ABCA7: variants seen among roughly 807,000 people sequenced by gnomAD.
The protein encoded by ABCA7 is phospholipid-transporting ATPase ABCA7.
In ABCA7, 261 loss-of-function variants were observed where a neutral mutation model predicts 227.6. That is an observed-to-expected ratio of 1.15 (90% confidence interval 1.04 to 1.27). The LOEUF (loss-of-function observed/expected upper bound fraction) is 1.27, where lower values mean the gene tolerates loss of function less well. Ranked by LOEUF, ABCA7 falls within the 50% of genes most tolerant of loss-of-function variation. ABCA7 has a pLI of 0.00. For synonymous variants in ABCA7, 1,488 were observed against 1,279.7 expected (o/e 1.16, Z -3.47); for missense variants, 3,331 against 2,924.5 (o/e 1.14, Z -3.21).
intron 30 of ABCA7, 47 bp from the exon 31 acceptor site, chr19:1,055,848 CATCTCTCTCTCT>C: frequency 1.3e-6 from 2 of 1,488,192 alleles, no homozygotes; most frequent in Non-Finnish European, 1.8e-6. Context: ...CCCCTCTCAC[CATCTCTCTCTCT>C]GTCCCACATC....
In ABCA7 at chr19:1,052,000, T is replaced by C. The variant is rs1476436453; in HGVS notation, c.3021T>C (p.Arg1007=). 6.2e-7 allele frequency: 1 copy of C among 1,612,118 alleles called. No individual in the cohort carries two copies. Among genetic ancestry groups the C allele is most frequent in the Non-Finnish European group, 8.5e-7 (1 of 1,179,904 alleles). ...HLDEAELLGD[R]VAVVAGGRLC... ...ATGAGGCAGAGCTGCTGGGAGACCG[T>C]GTGGCCGTGGTGGCAGGTGGCCGCT... is the stretch of plus-strand genomic sequence containing the variant. Residue 1007 remains arginine (R), a synonymous_variant, in exon 22 of 47, where the codon CGT becomes CGC. Transcript: ENST00000263094.
chr19:1,057,520 C>G, intron 35 of ABCA7, 91 bp downstream of exon 35: 1 of 1,274,164 alleles, frequency 7.8e-7, no homozygotes, highest in Admixed American at 1.7e-5. Flanking sequence ...GCAGTGACTC[C>G]CAAGGAGAGG....
chr19:1,065,527 CT>C lies in ABCA7; in HGVS notation c.*103del. 1 of 1,374,754 alleles carries C rather than the reference CT, an allele frequency of 7.3e-7. No homozygotes were observed. 85.2% of individuals were successfully genotyped at this position (1,374,754 alleles called of 1,614,324 possible). ...TCAGGCTGGCAGAGGGGCTGGTGCC[CT>C]GGAGAAAATAAAGAGAAGGCTGGAG... On this transcript the variant is annotated 3_prime_UTR_variant, in exon 47 of 47. Transcript: ENST00000263094.
intron 21 of ABCA7, 112 bp from the exon 22 acceptor site, chr19:1,051,830 G>A (rs1235591353): frequency 7.1e-6 from 10 of 1,418,330 alleles, no homozygotes; most frequent in Admixed American, 1.9e-5. Flanking sequence ...ATGAGGTTTT[G>A]AGGGATGAAT....
chr19:1,048,777 C>A, intron 16 of ABCA7, 118 bp from the exon 17 acceptor site: 1 of 521,692 alleles, frequency 1.9e-6, no homozygotes, highest in South Asian at 3.8e-5. Context: ...CCACTGCACT[C>A]CAGCCTGGGC....
At chr19:1,063,949 G>A in intron 44 of ABCA7, 86 bp downstream of exon 44, 1 of 1,440,830 alleles carries the variant, frequency 6.9e-7, no homozygotes, top group Non-Finnish European at 9.2e-7. Context: ...CACAGGGGAT[G>A]GGGGGTCCTG....
rs899621063 is a variant in ABCA7, at chr19:1,051,223, C to T, written c.2753C>T (p.Pro918Leu). The T allele has an allele frequency of 3.7e-6, 6 of 1,610,754 alleles. No individual in the cohort carries two copies. The East Asian group carries it at 1.1e-4, about 30-fold the overall frequency. Residue 918 changes from proline to leucine, a missense_variant, in exon 20 of 47, where the codon CCC becomes CTC. Pro to Leu is a moderately conservative substitution (Grantham distance 98). Transcript: ENST00000263094. ...GGTCTGAGTGCCGCTGTAGTGGGCCCCGAGCAGGACCGTCTGCTGCAGGAT... is the reference window on the plus strand; with the variant it reads ...GGTCTGAGTGCCGCTGTAGTGGGCCTCGAGCAGGACCGTCTGCTGCAGGAT... Reference protein sequence around the residue: ...LKGLSAAVVGPEQDRLLQDVG... With the variant: ...LKGLSAAVVGLEQDRLLQDVG...
At chr19:1,062,447 C>A in intron 42 of ABCA7, 134 bp downstream of exon 42, 1 of 1,396,366 alleles carries the variant, frequency 7.2e-7, no homozygotes, top group Non-Finnish European at 9.7e-7. Context: ...ACCGTGCTTC[C>A]TTCCCCTATA....
At chr19:1,060,688 T>G (rs887801467) in intron 40 of ABCA7, among the ~76,000 whole-genome samples, 2 of 151,860 alleles carry the variant, frequency 1.3e-5, no homozygotes, top group African/African-American at 4.8e-5. Context: ...ACCGGCTAAT[T>G]TTTGTATTTT....
In ABCA7 at chr19:1,043,814, C is replaced by T. The variant is rs774929060; in HGVS notation, c.1020C>T (p.Asn340=). The part of the protein sequence containing the change: ...MLGPRIFTFM[N]DSSNVAMLQR... Reference sequence around the variant, plus strand: ...GACCCCGGATCTTCACCTTCATGAACGACAGTTCCAATGTGGCCATGCTGC... The same window carrying T: ...GACCCCGGATCTTCACCTTCATGAATGACAGTTCCAATGTGGCCATGCTGC... The change falls in exon 10 of 47, where the codon AAC becomes AAT. Residue 340 remains asparagine (N), a synonymous_variant. Coordinates refer to ENST00000263094, the MANE Select transcript of ABCA7 (RefSeq NM_019112.4). The T allele has an allele frequency of 9.3e-6, 15 of 1,612,880 alleles. No homozygotes were observed. Among genetic ancestry groups the T allele is most frequent in the South Asian group, 7.7e-5 (7 of 91,072 alleles).
At chr19:1,048,279 T>C (rs1372604787) in intron 16 of ABCA7, among the ~76,000 whole-genome samples, 1 of 135,796 alleles carries the variant, frequency 7.4e-6, no homozygotes, top group Admixed American at 7.5e-5. Context: ...GGGCGGGTCA[T>C]CTGAGGTCGG....
intron 37 of ABCA7, 44 bp from the exon 38 acceptor site, chr19:1,058,574 A>T (rs1226951137): frequency 1.2e-6 from 2 of 1,604,962 alleles, no homozygotes; most frequent in African/African-American, 2.7e-5. Flanking sequence ...AGGGCCAGAA[A>T]CCAAGACTCT....
At position 1,058,075 on chromosome 19, in the gene ABCA7, G is replaced by A; in HGVS notation, c.5025+16G>A. ...CTCTGATCAGGTGGGGCACCACGAG[G>A]CTGGGGCTTGGGCTGGGTTGGGTCG... is the stretch of plus-strand genomic sequence containing the variant. On this transcript the variant is annotated intron_variant, in intron 36 of 46. Coordinates refer to ENST00000263094, the MANE Select transcript of ABCA7 (RefSeq NM_019112.4). 1 of 1,614,038 alleles carries A rather than the reference G, an allele frequency of 6.2e-7. No individual in the cohort carries two copies. Among genetic ancestry groups the A allele is most frequent in the Non-Finnish European group, 8.5e-7 (1 of 1,179,986 alleles).
chr19:1,057,600 A>G (rs2042364551), intron 35 of ABCA7, among the ~76,000 whole-genome samples, 171 bp downstream of exon 35: 1 of 152,070 alleles, frequency 6.6e-6, no homozygotes, highest in South Asian at 2.1e-4. Context: ...TTAAAAGCTC[A>G]TCTTATCCTG....
chr19:1,044,471 C>G (rs1377308951), intron 10 of ABCA7, 106 bp from the exon 11 acceptor site: 3 of 1,372,954 alleles, frequency 2.2e-6, no homozygotes, highest in Admixed American at 4.4e-5. Context: ...TGGTCTCGAA[C>G]TCCTGACCTC....
In ABCA7 at chr19:1,044,637, A is replaced by AT. The variant is rs2040419785; in HGVS notation, c.1109dup (p.Met370IlefsTer23). 3.1e-6 allele frequency: 5 copies of AT among 1,613,124 alleles called. No homozygotes were observed. Among genetic ancestry groups the AT allele is most frequent in the Admixed American group, 1.7e-5 (1 of 59,992 alleles). ...GCCCAGACCTGGAGGCCGGGACCAC[A>AT]TGGAGGCCCTGCGATCCTTTCTGGA... On this transcript the variant is annotated frameshift_variant, in exon 11 of 47. Coordinates refer to ENST00000263094, the MANE Select transcript of ABCA7 (RefSeq NM_019112.4). LOFTEE classifies it high-confidence loss of function.
intron 17 of ABCA7, 55 bp from the exon 18 acceptor site, chr19:1,049,211 T>C: frequency 6.5e-7 from 1 of 1,533,912 alleles, no homozygotes; most frequent in Non-Finnish European, 8.8e-7. Flanking sequence ...CTGAGGGACT[T>C]GCAGGCCCCA....
intron 9 of ABCA7, 73 bp from the exon 10 acceptor site, chr19:1,043,652 C>G (rs1373785590): frequency 1.1e-5 from 17 of 1,531,012 alleles, no homozygotes; most frequent in Non-Finnish European, 1.4e-5. Context: ...AGGAGCAAGG[C>G]AGAGGGGGCA....
At chr19:1,055,744 C>T (rs2042196103) in intron 30 of ABCA7, among the ~76,000 whole-genome samples, 163 bp from the exon 31 acceptor site, 1 of 152,118 alleles carries the variant, frequency 6.6e-6, no homozygotes, top group Admixed American at 6.5e-5. Context: ...TCAGGTGATC[C>T]ACCCGCCTTG....
Sources: gnomAD v4.1 joint callset for allele counts (sites outside exome capture counted in the v4.1 genomes callset) on GRCh38, gnomAD v4.1.1 for gene constraint, MANE v1.5 for transcripts, NCBI Gene and HGNC (gene_info 2026-07-23, HGNC 2026-07-21) for gene names.